The following CHRM5 variants were observed in gnomAD, a reference collection of about 807,000 sequenced individuals.
The protein encoded by CHRM5 is muscarinic acetylcholine receptor M5.
A neutral mutation model predicts 39.0 loss-of-function variants in CHRM5; 18 were observed. The observed-to-expected ratio is 0.46, with a 90% CI of 0.32 to 0.68. The LOEUF (loss-of-function observed/expected upper bound fraction) is 0.68, where lower values mean the gene tolerates loss of function less well. Among genes scored for constraint, CHRM5 ranks in the 30% least tolerant of loss-of-function variants. The pLI is 0.04. For missense variants in CHRM5, 515 were observed against 651.1 expected (o/e 0.79, Z 2.28); for synonymous variants, 241 against 246.3 (o/e 0.98, Z 0.20).
intron 1 of CHRM5, among the ~76,000 whole-genome samples, chr15:34,005,827 C>A (rs927421657): frequency 2.0e-5 from 3 of 152,160 alleles, no homozygotes; most frequent in African/African-American, 7.2e-5. Flanking sequence ...TCACGTTCAG[C>A]CCACAAATAT....
chr15:33,993,719 G>A lies in CHRM5; in HGVS notation c.-408+24569G>A, dbSNP rs569208350. ...TACTGCCAACACCACACCTGCTACC[G>A]GGCCCTCCTCAATCATTACACCTCA... On this transcript the variant is annotated intron_variant, in intron 1 of 2. Transcript: ENST00000383263. Among the ~76,000 whole-genome samples the A allele has an allele frequency of 2.4e-4, 37 of 152,162 alleles. No homozygotes were observed. In the South Asian group the frequency reaches 2.7e-3, roughly 11 times the overall value.
chr15:34,035,902 C>T (rs995503849), intron 1 of CHRM5, among the ~76,000 whole-genome samples: 3 of 152,170 alleles, frequency 2.0e-5, no homozygotes, highest in African/African-American at 7.2e-5. Context: ...TCAAAACAAT[C>T]CGGCTGCTTC....
rs1056645295 is a variant in CHRM5 at position 33,971,742 on chromosome 15, G to A, written c.-408+2592G>A. Among the ~76,000 whole-genome samples the A allele has an allele frequency of 4.0e-5, 6 of 151,862 alleles. No homozygotes were observed. In the South Asian group the frequency reaches 8.3e-4, roughly 21 times the overall value. On this transcript the variant is annotated intron_variant, in intron 1 of 2. Transcript: ENST00000383263. ...TTTTTCATTCCATTATAATGGCACC[G>A]TGTTTCAAGCTTAATTCAACTGGGC...
At position 33,997,182 on chromosome 15, in the gene CHRM5, T is replaced by C. The variant is rs529223063; in HGVS notation, c.-408+28032T>C. Among the ~76,000 whole-genome samples, 4 of 152,246 alleles carry C rather than the reference T, an allele frequency of 2.6e-5. No individual in the cohort carries two copies. The South Asian group carries it at 6.2e-4, about 24-fold the overall frequency. ...GCATAAAACAGCATAAACAGTAGGA[T>C]AGAAAATTGATAAATTCAACTAAAA... is the stretch of plus-strand genomic sequence containing the variant. On this transcript the variant is annotated intron_variant, in intron 1 of 2. Transcript: ENST00000383263.
chr15:34,014,375 AAAAAAAAAACAAAAAC>A lies in CHRM5; in HGVS notation c.-407-32159_-407-32144del, dbSNP rs999268259. Among the ~76,000 whole-genome samples the A allele has an allele frequency of 1.2e-4, 12 of 103,386 alleles. 2 individuals are homozygous for A. Among genetic ancestry groups the A allele is most frequent in the Admixed American group, 3.3e-4 (3 of 9,080 alleles). The allele number at this position is 103,386 out of a possible 152,430, so 67.8% of individuals were successfully genotyped here. On this transcript the variant is annotated intron_variant, in intron 1 of 2. Coordinates refer to ENST00000383263, the MANE Select transcript of CHRM5 (RefSeq NM_012125.4). ...GCGAAACTCCATCTCATTAAAAAAAAAAAAAAAAACAAAAACAAAAACCACGTTTGAGGATTCTGGG... is the reference window on the plus strand; with the variant it reads ...GCGAAACTCCATCTCATTAAAAAAAAAAAAACCACGTTTGAGGATTCTGGG...
At chr15:33,994,167 T>A (rs1169184994) in intron 1 of CHRM5, among the ~76,000 whole-genome samples, 2 of 152,186 alleles carry the variant, frequency 1.3e-5, no homozygotes, top group African/African-American at 4.8e-5. Flanking sequence ...TCTTCTCTAT[T>A]TACAGCCACT....
intron 2 of CHRM5, among the ~76,000 whole-genome samples, chr15:34,057,669 C>T (rs189797549): frequency 1.2e-4 from 19 of 152,262 alleles, no homozygotes; most frequent in Middle Eastern, 3.4e-3. Flanking sequence ...TTGTAGCCCA[C>T]ACCTGTAGTC....
At chr15:34,015,958 T>C (rs1285513149) in intron 1 of CHRM5, among the ~76,000 whole-genome samples, 2 of 152,302 alleles carry the variant, frequency 1.3e-5, no homozygotes, top group Non-Finnish European at 2.9e-5. Flanking sequence ...CCCTCAGATC[T>C]GAACAGTAAC....
At chr15:33,989,546 T>C (rs1333903334) in intron 1 of CHRM5, among the ~76,000 whole-genome samples, 1 of 151,824 alleles carries the variant, frequency 6.6e-6, no homozygotes, top group Non-Finnish European at 1.5e-5. Context: ...TAAACACATA[T>C]ACTACACTTC....
intron 1 of CHRM5, among the ~76,000 whole-genome samples, chr15:33,996,382 T>A (rs1896934491): frequency 6.6e-6 from 1 of 152,224 alleles, no homozygotes; most frequent in Non-Finnish European, 1.5e-5. Context: ...CCTCCTCAAG[T>A]GGGTCCCTGA....
At chr15:33,980,101 CA>C (rs1384048482) in intron 1 of CHRM5, among the ~76,000 whole-genome samples, 1 of 152,164 alleles carries the variant, frequency 6.6e-6, no homozygotes, top group East Asian at 1.9e-4. Context: ...AACATTATCT[CA>C]TAGTAAACTA....
rs1425568594 is a variant in CHRM5, at chr15:34,046,525, A to C, written c.-407-15A>C. 1 of 152,254 alleles carries C rather than the reference A, an allele frequency of 6.6e-6. No homozygotes were observed. Among genetic ancestry groups the C allele is most frequent in the Admixed American group, 6.5e-5 (1 of 15,274 alleles). 9.4% of individuals were successfully genotyped at this position (152,254 alleles called of 1,614,324 possible). The stretch of plus-strand genomic sequence containing the variant: ...TTTAACAGCCCCTTTGTGAACGATC[A>C]TTCCCCTTTTCTAGGAACCTAGGAA... On this transcript the variant is annotated splice_polypyrimidine_tract_variant and intron_variant, in intron 1 of 2. Coordinates refer to ENST00000383263, the MANE Select transcript of CHRM5 (RefSeq NM_012125.4).
chr15:34,026,233 AAAG>A (rs1306195104), intron 1 of CHRM5, among the ~76,000 whole-genome samples: 1 of 152,184 alleles, frequency 6.6e-6, no homozygotes, highest in Non-Finnish European at 1.5e-5. Flanking sequence ...TTTTATGAGA[AAAG>A]AATATACATC....
chr15:34,054,561 C>G (rs2140833301), intron 2 of CHRM5, among the ~76,000 whole-genome samples: 1 of 152,266 alleles, frequency 6.6e-6, no homozygotes, highest in South Asian at 2.1e-4. Context: ...TTACCCTGAG[C>G]AGACTAACAC....
At chr15:33,983,269 AACAAATG>A (rs1380910247) in intron 1 of CHRM5, among the ~76,000 whole-genome samples, 1 of 151,000 alleles carries the variant, frequency 6.6e-6, no homozygotes, top group Non-Finnish European at 1.5e-5. Flanking sequence ...CTTGGTAACC[AACAAATG>A]ACAAAAGATA....
intron 1 of CHRM5, among the ~76,000 whole-genome samples, chr15:34,029,383 A>G (rs922121291): frequency 1.3e-5 from 2 of 151,910 alleles, no homozygotes; most frequent in Admixed American, 6.6e-5. Context: ...TAAGAGGGGG[A>G]AAAAAAAGTT....
intron 2 of CHRM5, among the ~76,000 whole-genome samples, chr15:34,050,156 G>T (rs986535899): frequency 6.6e-6 from 1 of 152,102 alleles, no homozygotes; most frequent in Admixed American, 6.6e-5. Flanking sequence ...CCAAAGTGCT[G>T]GGATTACAGG....
intron 1 of CHRM5, among the ~76,000 whole-genome samples, chr15:34,002,120 G>A (rs1243284941): frequency 6.6e-6 from 1 of 152,058 alleles, no homozygotes; most frequent in Admixed American, 6.6e-5. Flanking sequence ...ATCACAACCA[G>A]AAGACTGACA....
intron 2 of CHRM5, among the ~76,000 whole-genome samples, chr15:34,057,995 G>A (rs750819791): frequency 6.6e-6 from 1 of 152,166 alleles, no homozygotes; most frequent in Non-Finnish European, 1.5e-5. Flanking sequence ...TCACATGATT[G>A]TAGGGGCTAG....
Sources: gnomAD v4.1 joint callset for allele counts (sites outside exome capture counted in the v4.1 genomes callset) on GRCh38, gnomAD v4.1.1 for gene constraint, MANE v1.5 for transcripts, NCBI Gene and HGNC (gene_info 2026-07-23, HGNC 2026-07-21) for gene names.